The following SLC12A7 variants were observed in gnomAD, a reference collection of about 807,000 sequenced individuals.
SLC12A7 encodes K-Cl cotransporter 4.
In SLC12A7, 100 loss-of-function variants were observed where a neutral mutation model predicts 120.6. The ratio of observed to expected loss-of-function variants is 0.83; its 90% CI spans 0.71 to 0.98. The LOEUF (loss-of-function observed/expected upper bound fraction) is 0.98. SLC12A7 is among the 50% of genes least tolerant of loss of function. The pLI, the probability that SLC12A7 is intolerant of heterozygous loss-of-function variation, is 0.00. For synonymous variants in SLC12A7, 760 were observed against 678.0 expected, an observed-to-expected ratio of 1.12 and a Z score of -1.88; for missense variants, 1,373 against 1,548.1, an observed-to-expected ratio of 0.89 and a Z score of 1.90.
intron 6 of SLC12A7, among the ~76,000 whole-genome samples, chr5:1,086,620 T>C (rs1196617395): frequency 1.3e-5 from 2 of 152,200 alleles, no homozygotes; most frequent in African/African-American, 4.8e-5. Context: ...GGACTGCACC[T>C]ACGCGGGGCT....
intron 22 of SLC12A7, 46 bp from the exon 23 acceptor site, chr5:1,053,528 C>A (rs369194461): frequency 3.4e-5 from 54 of 1,600,268 alleles, no homozygotes; most frequent in Non-Finnish European, 4.4e-5. Context: ...GTGCACCCCA[C>A]GCTCCGGACA....
chr5:1,112,100 C>A, upstream of SLC12A7: 1 of 1,141,888 alleles, frequency 8.8e-7, no homozygotes, highest in Non-Finnish European at 1.1e-6. Flanking sequence ...GCCGCCCCGC[C>A]CCGCCCGGGC....
At chr5:1,120,306 GCCCCCCCACCGGCAGTGT>G in the SLC12A7 span, among the ~76,000 whole-genome samples, 2 of 152,146 alleles carry the variant, frequency 1.3e-5, no homozygotes, top group African/African-American at 4.8e-5. Flanking sequence ...CGTCCACAGG[GCCCCCCCACCGGCAGTGT>G]CCGGATCACA....
At chr5:1,128,531 C>T in the SLC12A7 span, among the ~76,000 whole-genome samples, 5 of 152,322 alleles carry the variant, frequency 3.3e-5, no homozygotes, top group Admixed American at 6.5e-5. Context: ...TTCATCTTCT[C>T]ATAGGGAGGA....
At chr5:1,087,842 T>C (rs1249657553) in intron 5 of SLC12A7, among the ~76,000 whole-genome samples, 1 of 152,258 alleles carries the variant, frequency 6.6e-6, no homozygotes, top group East Asian at 1.9e-4. Flanking sequence ...TTATTACGTA[T>C]TGTAATTAAC....
the SLC12A7 span, among the ~76,000 whole-genome samples, chr5:1,122,739 C>T: frequency 6.6e-6 from 1 of 152,210 alleles, no homozygotes; most frequent in Non-Finnish European, 1.5e-5. Flanking sequence ...TGCTGTAGCC[C>T]GTGCCAGCAT....
At chr5:1,059,940 G>A (rs1469787624) in intron 21 of SLC12A7, among the ~76,000 whole-genome samples, 1 of 152,234 alleles carries the variant, frequency 6.6e-6, no homozygotes, top group Non-Finnish European at 1.5e-5. Flanking sequence ...AGCAGCTGTG[G>A]GCACTCATCC....
the SLC12A7 span, among the ~76,000 whole-genome samples, chr5:1,134,888 CT>C: frequency 1.3e-5 from 2 of 152,134 alleles, no homozygotes; most frequent in African/African-American, 4.8e-5. Flanking sequence ...AACCCCAGCA[CT>C]TTGGGAGGCT....
the SLC12A7 span, among the ~76,000 whole-genome samples, chr5:1,126,393 C>T: frequency 6.6e-6 from 1 of 152,196 alleles, no homozygotes; most frequent in South Asian, 2.1e-4. Flanking sequence ...CCAGCCCCTA[C>T]CTATTCTTTT....
intron 19 of SLC12A7, 48 bp from the exon 20 acceptor site, chr5:1,064,023 C>G: frequency 6.2e-7 from 1 of 1,603,768 alleles, no homozygotes; most frequent in Non-Finnish European, 8.5e-7. Context: ...GAGCCCGTCC[C>G]GGCCCGCAGC....
At chr5:1,141,050 T>C in the SLC12A7 span, among the ~76,000 whole-genome samples, 2 of 152,198 alleles carry the variant, frequency 1.3e-5, no homozygotes, top group Admixed American at 1.3e-4. Context: ...GCAGCCAGGC[T>C]GTGCACACCA....
chr5:1,073,365 C>T (rs1053441217), intron 17 of SLC12A7, among the ~76,000 whole-genome samples: 10 of 152,324 alleles, frequency 6.6e-5, no homozygotes, highest in African/African-American at 1.4e-4. Flanking sequence ...CGGCTCTGGA[C>T]GGGGCTCACC....
intron 9 of SLC12A7, among the ~76,000 whole-genome samples, chr5:1,081,021 CAG>C (rs1204887395): frequency 3.6e-5 from 5 of 140,760 alleles, no homozygotes; most frequent in Admixed American, 7.0e-5. Context: ...GACAGACAGA[CAG>C]AGAGAGAGAG....
chr5:1,062,598 G>A (rs375806253), intron 20 of SLC12A7, among the ~76,000 whole-genome samples: 2 of 149,514 alleles, frequency 1.3e-5, no homozygotes, highest in South Asian at 4.3e-4. Flanking sequence ...GGTGAGGCAC[G>A]AAGCCGTGCC....
chr5:1,104,492 G>A (rs1172447640), intron 1 of SLC12A7, among the ~76,000 whole-genome samples: 2 of 152,332 alleles, frequency 1.3e-5, no homozygotes, highest in Non-Finnish European at 1.5e-5. Context: ...CCAAGCACAC[G>A]GGCATGCTGC....
In SLC12A7 at chr5:1,050,684, G is replaced by C. The variant is rs754500489; in HGVS notation, c.*1676C>G. The C allele has an allele frequency of 2.5e-6, 1 of 394,464 alleles. No homozygotes were observed. Among genetic ancestry groups the C allele is most frequent in the Non-Finnish European group, 4.5e-6 (1 of 223,930 alleles). The allele number at this position is 394,464 out of a possible 1,614,324, so 24.4% of individuals were successfully genotyped here. On this transcript the variant is annotated 3_prime_UTR_variant, in exon 24 of 24. Transcript: ENST00000264930. ...GTGCCTCTAGCCTGCTCTCCTCCAG[G>C]TGCAGGGGACACAGGACCTGCCGGC...
chr5:1,054,161 CCT>C (rs778336412), intron 22 of SLC12A7, among the ~76,000 whole-genome samples: 19 of 152,380 alleles, frequency 1.2e-4, no homozygotes, highest in South Asian at 6.2e-4. Context: ...CCACCCTGCC[CCT>C]GTCTGGCCAA....
chr5:1,062,304 G>C (rs545110567), intron 20 of SLC12A7, among the ~76,000 whole-genome samples: 5 of 152,300 alleles, frequency 3.3e-5, no homozygotes, highest in Non-Finnish European at 7.3e-5. Flanking sequence ...GCGGTTTTAT[G>C]ACTTGGAAAT....
At chr5:1,102,707 T>C (rs1742139058) in intron 1 of SLC12A7, among the ~76,000 whole-genome samples, 1 of 152,144 alleles carries the variant, frequency 6.6e-6, no homozygotes, top group Non-Finnish European at 1.5e-5. Flanking sequence ...CTCCCTGCAC[T>C]CGAGGAGGTT....
Sources: allele counts gnomAD v4.1 joint callset (sites outside exome capture counted in the v4.1 genomes callset), GRCh38; gene constraint gnomAD v4.1.1; transcripts MANE v1.5; gene names NCBI Gene and HGNC (gene_info 2026-07-23, HGNC 2026-07-21).